Variants in PDE6G observed in about 807,000 individuals in gnomAD.
The protein encoded by PDE6G is phosphodiesterase 6G.
Under a neutral mutation model 10.9 loss-of-function variants are expected in PDE6G, and 10 were observed. The observed-to-expected ratio is 0.91, with a 90% confidence interval of 0.56 to 1.55. The LOEUF (loss-of-function observed/expected upper bound fraction) is 1.55, where lower values mean the gene tolerates loss of function less well. Among genes scored for constraint, PDE6G ranks in the 40% most tolerant of loss-of-function variants. PDE6G has a pLI of 0.00. For missense variants in PDE6G, 102 were observed against 110.1 expected, an observed-to-expected ratio of 0.93 and a Z score of 0.33; for synonymous variants, 41 against 42.8, an observed-to-expected ratio of 0.96 and a Z score of 0.16.
chr17:81,660,976 T>G (rs557998935), upstream of PDE6G, among the ~76,000 whole-genome samples: 2 of 152,194 alleles, frequency 1.3e-5, no homozygotes, highest in Non-Finnish European at 2.9e-5. Flanking sequence ...TGGAGTGTAG[T>G]GAGGCAATCA....
At chr17:81,654,858 C>T (rs12946445) in intron 1 of PDE6G, among the ~76,000 whole-genome samples, 7,982 of 151,998 alleles carry the variant, frequency 0.053, 300 homozygotes, top group East Asian at 0.22. Context: ...CGTCATTCTC[C>T]TGCCTCAGCC....
Position 81,650,778 on chromosome 17 carries a change from G to T in PDE6G, c.*296C>A, listed in dbSNP as rs775791800. On this transcript the variant is annotated 3_prime_UTR_variant, in exon 4 of 4. Coordinates refer to ENST00000331056, the MANE Select transcript of PDE6G (RefSeq NM_002602.4). ...GCTCCCGGGCTGGGGTCCACTTCCC[G>T]TTCTCCCTGGGAGTGGAGACCGACC... 1 of 510,946 alleles carries T rather than the reference G, an allele frequency of 2.0e-6. No individual in the cohort carries two copies. Among genetic ancestry groups the T allele is most frequent in the Non-Finnish European group, 3.8e-6 (1 of 262,736 alleles). 31.7% of individuals were successfully genotyped at this position (510,946 alleles called of 1,614,324 possible). A position where few individuals can be genotyped will look rare whatever the true frequency, so the allele number is the denominator to read the frequency against.
upstream of PDE6G, among the ~76,000 whole-genome samples, chr17:81,659,047 G>A (rs2036484350): frequency 6.6e-6 from 1 of 151,846 alleles, no homozygotes; most frequent in Admixed American, 6.6e-5. Flanking sequence ...AAGGACGGCT[G>A]GATTCAAGTT....
At chr17:81,657,623 G>A (rs891419804), upstream of PDE6G, among the ~76,000 whole-genome samples, 6 of 152,204 alleles carry the variant, frequency 3.9e-5, no homozygotes, top group African/African-American at 1.4e-4. Flanking sequence ...GCTCATGCCT[G>A]TAATCCCAGC....
At chr17:81,656,653 G>C, upstream of PDE6G, 3 of 704,968 alleles carry the variant, frequency 4.3e-6, no homozygotes, top group Non-Finnish European at 7.8e-6. Context: ...CAACCACCAA[G>C]GTTCAGGGGA....
At chr17:81,662,721 G>A (rs1343987409) in intron 1 of PDE6G, among the ~76,000 whole-genome samples, 1 of 152,146 alleles carries the variant, frequency 6.6e-6, no homozygotes, top group African/African-American at 2.4e-5. Flanking sequence ...GCAGTTGGCC[G>A]GGCACAGTGG....
At chr17:81,658,494 G>A (rs2036477448), upstream of PDE6G, among the ~76,000 whole-genome samples, 2 of 151,980 alleles carry the variant, frequency 1.3e-5, no homozygotes, top group South Asian at 4.2e-4. Context: ...CTCCAGCCTG[G>A]GGGACAGAGA....
intron 1 of PDE6G, among the ~76,000 whole-genome samples, chr17:81,662,870 G>A (rs989415569): frequency 9.3e-5 from 14 of 150,864 alleles, no homozygotes; most frequent in African/African-American, 3.4e-4. Context: ...GTGGTGGCAC[G>A]CGCCTGTAGT....
chr17:81,651,024 G>C lies in PDE6G; in HGVS notation c.*50C>G. On this transcript the variant is annotated 3_prime_UTR_variant, in exon 4 of 4. Transcript: ENST00000331056. This position sits in a 1 kb window ranked among gnomAD's most constrained non-coding sequence, Gnocchi z 4.8. The stretch of plus-strand genomic sequence containing the variant: ...CAACAGGAATCCTGAGCAGGGTTTA[G>C]AGCACAGTGGGCAGGAGGGGGAGGG... 2.2e-6 allele frequency: 3 copies of C among 1,344,366 alleles called. No homozygotes were observed. Among genetic ancestry groups the C allele is most frequent in the Non-Finnish European group, 3.2e-6 (3 of 934,252 alleles). The allele number at this position is 1,344,366 out of a possible 1,614,324, so 83.3% of individuals were successfully genotyped here. A position where few individuals can be genotyped will look rare whatever the true frequency, so the allele number is the denominator to read the frequency against.
upstream of PDE6G, chr17:81,656,982 C>A (rs547946386): frequency 7.5e-5 from 19 of 254,576 alleles, no homozygotes; most frequent in African/African-American, 4.1e-4. Flanking sequence ...AACAAGGACC[C>A]CCCCCCGCCC....
upstream of PDE6G, among the ~76,000 whole-genome samples, chr17:81,660,273 C>T (rs949879416): frequency 5.3e-5 from 8 of 151,482 alleles, no homozygotes; most frequent in South Asian, 2.1e-4. Flanking sequence ...ATTAGCCAGG[C>T]GTGGTGGCAG....
chr17:81,654,365 G>A (rs531286668), intron 1 of PDE6G, among the ~76,000 whole-genome samples: 3 of 149,002 alleles, frequency 2.0e-5, no homozygotes, highest in South Asian at 4.3e-4. Flanking sequence ...CTCCCGGGCT[G>A]TTGCCCTCTG....
At chr17:81,654,528 C>T (rs551033844) in intron 1 of PDE6G, among the ~76,000 whole-genome samples, 1 of 151,762 alleles carries the variant, frequency 6.6e-6, no homozygotes, top group East Asian at 1.9e-4. Context: ...TACAGGCATG[C>T]GCCACCACAC....
At chr17:81,656,698 C>T, upstream of PDE6G, 1 of 696,524 alleles carries the variant, frequency 1.4e-6, no homozygotes, top group Non-Finnish European at 2.6e-6. Context: ...TCAAGGGCTC[C>T]AAGGAAGGAC....
At chr17:81,662,535 A>G (rs763154663) in intron 1 of PDE6G, among the ~76,000 whole-genome samples, 8 of 151,988 alleles carry the variant, frequency 5.3e-5, no homozygotes, top group Non-Finnish European at 1.0e-4. Flanking sequence ...AGGCAGGAGA[A>G]TCGCTTGAAC....
In PDE6G at chr17:81,653,538, C is replaced by A; in HGVS notation, c.-59-174G>T. The A allele has an allele frequency of 1.7e-6, 1 of 577,692 alleles. No homozygotes were observed. The highest frequency in any genetic ancestry group is 3.1e-6 in the Non-Finnish European group (1 of 322,334). The allele number at this position is 577,692 out of a possible 1,614,324, so 35.8% of individuals were successfully genotyped here. On this transcript the variant is annotated intron_variant, in intron 1 of 3. Coordinates refer to ENST00000331056, the MANE Select transcript of PDE6G (RefSeq NM_002602.4). This position sits in a 1 kb window ranked among gnomAD's most constrained non-coding sequence, Gnocchi z 5.2. ...CCAGCCTGCCAGCTTTGCTTGGGTCCACCCGCACGCTCCCATTCCCCTTGC... is the reference window on the plus strand; with the variant it reads ...CCAGCCTGCCAGCTTTGCTTGGGTCAACCCGCACGCTCCCATTCCCCTTGC...
chr17:81,656,373 C>G, intron 1 of PDE6G, 120 bp downstream of exon 1: 1 of 666,456 alleles, frequency 1.5e-6, no homozygotes, highest in Non-Finnish European at 2.7e-6. Context: ...AGACCCAGAC[C>G]TCAGCCACGG....
rs369568559 is a variant in PDE6G at position 81,653,132 on chromosome 17, A to G, written c.146+28T>C. 1.2e-6 allele frequency: 2 copies of G among 1,611,500 alleles called. No individual in the cohort carries two copies. ...GCCTCAGGACCGCCTCCTCCCTTTC[A>G]GAGGCCCCATCCCCCAGCTCTGCTT... On this transcript the variant is annotated intron_variant, in intron 2 of 3. Transcript: ENST00000331056. The surrounding 1 kb of genome is among the most constrained non-coding windows in gnomAD (Gnocchi z 5.2).
upstream of PDE6G, among the ~76,000 whole-genome samples, chr17:81,658,980 C>G (rs1354639938): frequency 6.6e-6 from 1 of 152,012 alleles, no homozygotes; most frequent in African/African-American, 2.4e-5. Flanking sequence ...AACAAAGACC[C>G]TATAGCCTTG....
Sources: gnomAD v4.1 joint callset for allele counts (sites outside exome capture counted in the v4.1 genomes callset) on GRCh38, gnomAD v4.1.1 for gene constraint, Gnocchi (gnomAD v3.1) non-coding constraint, MANE v1.5 for transcripts, NCBI Gene and HGNC (gene_info 2026-07-23, HGNC 2026-07-21) for gene names.